Variants in A2ML1 observed in about 807,000 individuals in gnomAD.
A2ML1 encodes the protein alpha-2-macroglobulin-like protein 1.
In A2ML1, 161 loss-of-function variants were observed where a neutral mutation model predicts 181.9. The observed-to-expected ratio is 0.89, with a 90% CI of 0.78 to 1.01. The LOEUF is 1.01. Among genes scored for constraint, A2ML1 ranks in the 50% least tolerant of loss-of-function variants. The pLI, the probability that A2ML1 is intolerant of heterozygous loss-of-function variation, is 0.00. For missense variants in A2ML1, 1,670 were observed against 1,768.1 expected, an observed-to-expected ratio of 0.94 and a Z score of 1.00; for synonymous variants, 663 against 666.8, an observed-to-expected ratio of 0.99 and a Z score of 0.09.
intron 7 of A2ML1, 91 bp downstream of exon 7, chr12:8,836,430 G>T: frequency 1.5e-5 from 16 of 1,081,296 alleles, no homozygotes; most frequent in Non-Finnish European, 2.1e-5. Flanking sequence ...TTATGGGTGG[G>T]CCAAAACTTG....
chr12:8,867,943 G>T lies in A2ML1; in HGVS notation c.3819G>T (p.Gln1273His). The change falls in exon 30 of 36, where the codon CAG becomes CAT. Residue 1273 changes from glutamine to histidine, a missense_variant. Physicochemically the swap from Gln to His is conservative, Grantham distance 24. Transcript: ENST00000299698. ...TTGTAAAATCCACTGAGAATTTCCA[G>T]CGCACATTCAACATACAGTCAGTTA... is the stretch of plus-strand genomic sequence containing the variant. Reference protein sequence around the residue: ...NLVVKSTENFQRTFNIQSVNR... With the variant: ...NLVVKSTENFHRTFNIQSVNR... 6.2e-7 allele frequency: 1 copy of T among 1,614,218 alleles called. No homozygotes were observed. The highest frequency in any genetic ancestry group is 8.5e-7 in the Non-Finnish European group (1 of 1,180,046).
At position 8,863,903 on chromosome 12, in the gene A2ML1, G is replaced by T; in HGVS notation, c.3612G>T (p.Gln1204His). ...VELTAYALLA[Q>H]LTKPSLTQKE... is the part of the protein sequence containing the mutation. ...TCACAGCATATGCATTGTTGGCCCA[G>T]CTTACCAAGCCCAGCCTGACTCAAA... The change falls in exon 29 of 36, where the codon CAG becomes CAT. Residue 1204 changes from glutamine to histidine, a missense_variant. Coordinates refer to ENST00000299698, the MANE Select transcript of A2ML1 (RefSeq NM_144670.6). 7 of 1,614,184 alleles carry T rather than the reference G, an allele frequency of 4.3e-6. No homozygotes were observed. Among genetic ancestry groups the T allele is most frequent in the Non-Finnish European group, 5.9e-6 (7 of 1,180,030 alleles).
At chr12:8,841,017 A>AGGAAGGAAGGAC (rs1943459024) in intron 10 of A2ML1, among the ~76,000 whole-genome samples, 9 of 14,074 alleles carry the variant, frequency 6.4e-4, no homozygotes, top group South Asian at 0.015. Context: ...GAAGGACGGA[A>AGGAAGGAAGGAC]GGAAGGAAGG....
intron 32 of A2ML1, 75 bp downstream of exon 32, chr12:8,868,702 T>C: frequency 8.2e-7 from 1 of 1,223,692 alleles, no homozygotes; most frequent in Non-Finnish European, 1.2e-6. Context: ...ACTGGTAAAA[T>C]GGGCATCATG....
At chr12:8,884,597 C>T (rs985494788) in intron 7 of A2ML1, among the ~76,000 whole-genome samples, 5 of 152,112 alleles carry the variant, frequency 3.3e-5, no homozygotes, top group African/African-American at 4.8e-5. Context: ...AGTGTAGTAG[C>T]GCGATCTTGG....
Position 8,841,895 on chromosome 12 carries a change from A to G in A2ML1, c.1248+359A>G, listed in dbSNP as rs898163749. Among the ~76,000 whole-genome samples, 6 of 152,228 alleles carry G rather than the reference A, an allele frequency of 3.9e-5. No homozygotes were observed. The South Asian group carries it at 1.0e-3, about 26-fold the overall frequency. On this transcript the variant is annotated intron_variant, in intron 11 of 35. Coordinates refer to ENST00000299698, the MANE Select transcript of A2ML1 (RefSeq NM_144670.6). ...CCTCATTACTTAATAAAAACAGCAA[A>G]CAAGAGAACTCTAGATTCTAGATAA...
intron 2 of A2ML1, 27 bp from the exon 3 acceptor site, chr12:8,823,693 T>G (rs1196729139): frequency 6.2e-7 from 1 of 1,605,820 alleles, no homozygotes; most frequent in Admixed American, 1.7e-5. Context: ...CCCTTACCCC[T>G]CCCCAGAAGT....
At chr12:8,844,617 G>T (rs1177966586) in intron 12 of A2ML1, among the ~76,000 whole-genome samples, 1 of 151,768 alleles carries the variant, frequency 6.6e-6, no homozygotes, top group Admixed American at 6.6e-5. Flanking sequence ...TCTTTGTTCC[G>T]TTATCCTCCT....
At chr12:8,849,831 C>A in intron 17 of A2ML1, 72 bp downstream of exon 17, 1 of 1,429,002 alleles carries the variant, frequency 7.0e-7, no homozygotes, top group Non-Finnish European at 9.8e-7. Flanking sequence ...TTTCCTCTTG[C>A]CTCCTGTTCT....
At chr12:8,833,514 A>T (rs1943183187) in intron 4 of A2ML1, among the ~76,000 whole-genome samples, 1 of 152,126 alleles carries the variant, frequency 6.6e-6, no homozygotes, top group Non-Finnish European at 1.5e-5. Flanking sequence ...CTTCTGCCTC[A>T]GCCTCCGGAG....
chr12:8,861,564 T>C (rs1775979133), intron 28 of A2ML1, among the ~76,000 whole-genome samples: 1 of 152,112 alleles, frequency 6.6e-6, no homozygotes, highest in South Asian at 2.1e-4. Context: ...CTCGGCTCAC[T>C]CCAAGTTCCG....
chr12:8,832,177 G>T (rs1446200532), intron 4 of A2ML1, among the ~76,000 whole-genome samples: 1 of 152,114 alleles, frequency 6.6e-6, no homozygotes, highest in Non-Finnish European at 1.5e-5. Flanking sequence ...TCCTCCTCCT[G>T]GGTGGGATGG....
At chr12:8,846,331 G>T in intron 14 of A2ML1, 109 bp downstream of exon 14, 1 of 1,223,170 alleles carries the variant, frequency 8.2e-7, no homozygotes, top group Non-Finnish European at 1.2e-6. Flanking sequence ...TAGTGTTGAC[G>T]TTGGATGTTG....
At chr12:8,841,021 A>AGGAAGGAAGGACGGACGGAC (rs1555109424) in intron 10 of A2ML1, among the ~76,000 whole-genome samples, 34 of 122,958 alleles carry the variant, frequency 2.8e-4, no homozygotes, top group South Asian at 5.9e-4. Context: ...GACGGAAGGA[A>AGGAAGGAAGGACGGACGGAC]GGAAGGAAGG....
intron 14 of A2ML1, 43 bp downstream of exon 14, chr12:8,846,265 A>G: frequency 1.9e-6 from 3 of 1,611,214 alleles, no homozygotes; most frequent in Non-Finnish European, 2.5e-6. Context: ...AGTTGGGCAT[A>G]GAGAAAGATC....
Position 8,857,974 on chromosome 12 carries a change from G to C in A2ML1, c.3136G>C (p.Gly1046Arg), listed in dbSNP as rs374518651. 103 of 1,613,930 alleles carry C rather than the reference G, an allele frequency of 6.4e-5. No homozygotes were observed. The highest frequency in any genetic ancestry group is 8.4e-5 in the Non-Finnish European group (99 of 1,180,020). Residue 1046 changes from glycine to arginine, a missense_variant, in exon 26 of 36, where the codon GGC becomes CGC. By Grantham distance (125) the Gly-to-Arg change is moderately radical. Coordinates refer to ENST00000299698, the MANE Select transcript of A2ML1 (RefSeq NM_144670.6). ...WLTAFVTKCFGQAQKFIFIDP... is the reference protein window; with the variant it reads ...WLTAFVTKCFRQAQKFIFIDP... ...GACAGCGTTTGTCACAAAATGCTTT[G>C]GCCAAGCTCAGAAATTCATCTTCAT...
chr12:8,854,847 G>A lies in A2ML1; in HGVS notation c.2764+16G>A. ...TGCCCAAAAGGTGGGTGGACTCAGA[G>A]CAGGATTGGTGGTGAGAATTCCCTT... On this transcript the variant is annotated intron_variant, in intron 22 of 35. Transcript: ENST00000299698. 4 of 1,613,606 alleles carry A rather than the reference G, an allele frequency of 2.5e-6. No homozygotes were observed. Among genetic ancestry groups the A allele is most frequent in the Non-Finnish European group, 3.4e-6 (4 of 1,179,910 alleles).
intron 4 of A2ML1, among the ~76,000 whole-genome samples, chr12:8,833,120 T>C (rs866715611): frequency 6.6e-6 from 1 of 151,966 alleles, no homozygotes; most frequent in Non-Finnish European, 1.5e-5. Flanking sequence ...TTTACAGGAA[T>C]GTACCACCAC....
chr12:8,861,065 T>C, intron 27 of A2ML1, 70 bp from the exon 28 acceptor site: 1 of 1,606,802 alleles, frequency 6.2e-7, no homozygotes, highest in East Asian at 2.2e-5. Flanking sequence ...AAGGATAAGA[T>C]GATTTCCTGA....
Sources: allele counts gnomAD v4.1 joint callset (sites outside exome capture counted in the v4.1 genomes callset), GRCh38; gene constraint gnomAD v4.1.1; transcripts MANE v1.5; gene names NCBI Gene and HGNC (gene_info 2026-07-23, HGNC 2026-07-21).